Variants in RCOR1 observed in about 807,000 individuals in gnomAD.
RCOR1 encodes the protein REST corepressor 1.
Under a neutral mutation model 64.0 loss-of-function variants are expected in RCOR1, and 12 were observed. The ratio of observed to expected loss-of-function variants is 0.19; its 90% CI spans 0.12 to 0.30. The LOEUF is 0.30. Ranked by LOEUF, RCOR1 falls within the 10% of genes least tolerant of loss-of-function variation. The pLI, the probability that RCOR1 is intolerant of heterozygous loss-of-function variation, is 1.00. For missense variants in RCOR1, 502 were observed against 621.2 expected (o/e 0.81, Z 2.04); for synonymous variants, 279 against 227.2 (o/e 1.23, Z -2.05).
intron 2 of RCOR1, among the ~76,000 whole-genome samples, chr14:102,663,333 C>G (rs1894860595): frequency 6.6e-6 from 1 of 152,220 alleles, no homozygotes; most frequent in Admixed American, 6.5e-5. Context: ...ACTAATGCAA[C>G]TTCTCTCAAC....
chr14:102,617,071 A>G (rs1893775732), intron 2 of RCOR1, among the ~76,000 whole-genome samples: 1 of 152,230 alleles, frequency 6.6e-6, no homozygotes. Context: ...ACAATATGTT[A>G]TTAAGAGCAA....
intron 2 of RCOR1, among the ~76,000 whole-genome samples, chr14:102,600,814 C>T (rs141060246): frequency 0.017 from 2,547 of 151,362 alleles, 77 homozygotes; most frequent in African/African-American, 0.058. Flanking sequence ...TCGTGATCTG[C>T]CCGTCTTGGC....
chr14:102,630,798 G>A (rs758331887), intron 2 of RCOR1, among the ~76,000 whole-genome samples: 9 of 152,188 alleles, frequency 5.9e-5, no homozygotes, highest in South Asian at 2.1e-4. Flanking sequence ...AAAGTGCACC[G>A]AACCACTCAG....
chr14:102,692,550 A>G (rs955637876), intron 3 of RCOR1, among the ~76,000 whole-genome samples: 2 of 151,740 alleles, frequency 1.3e-5, no homozygotes, highest in Non-Finnish European at 2.9e-5. Flanking sequence ...TTGCTTCCGG[A>G]TCTTTTCGGT....
At chr14:102,653,920 C>CTTCCTTCTTTCTTTCTTTCTTTCT (rs1894646978) in intron 2 of RCOR1, among the ~76,000 whole-genome samples, 2 of 98,924 alleles carry the variant, frequency 2.0e-5, no homozygotes, top group South Asian at 4.0e-4. Context: ...CAGGTATTTC[C>CTTCCTTCTTTCTTTCTTTCTTTCT]TTCTTTCTTT....
chr14:102,676,048 T>C (rs71417818), intron 2 of RCOR1, among the ~76,000 whole-genome samples: 7,778 of 143,304 alleles, frequency 0.054, 232 homozygotes, highest in African/African-American at 0.089. Flanking sequence ...TTTTTTTTTT[T>C]CCCCAAGGCA....
intron 3 of RCOR1, among the ~76,000 whole-genome samples, chr14:102,700,600 C>T (rs551388160): frequency 6.6e-6 from 1 of 152,190 alleles, no homozygotes; most frequent in Admixed American, 6.5e-5. Flanking sequence ...AACTCCTGGC[C>T]TCAAGGGATC....
chr14:102,719,284 G>T (rs1896128872), intron 8 of RCOR1, among the ~76,000 whole-genome samples: 1 of 151,902 alleles, frequency 6.6e-6, no homozygotes, highest in Non-Finnish European at 1.5e-5. Flanking sequence ...TAAGTTCTAG[G>T]GTACATGTGC....
At chr14:102,721,261 C>T (rs1896163544) in intron 9 of RCOR1, 59 bp from the exon 10 acceptor site, 5 of 1,449,380 alleles carry the variant, frequency 3.4e-6, no homozygotes, top group East Asian at 2.3e-5. Context: ...TCGTTAAGCT[C>T]ATAAGGACAT....
chr14:102,696,896 A>G (rs145677461), intron 3 of RCOR1, among the ~76,000 whole-genome samples: 185 of 136,318 alleles, frequency 1.4e-3, no homozygotes, highest in African/African-American at 4.4e-3. Context: ...TGCTTCAGTT[A>G]AGGAAACCAC....
At position 102,673,661 on chromosome 14, in the gene RCOR1, G is replaced by A. The variant is rs1466749489; in HGVS notation, c.362-8234G>A. Among the ~76,000 whole-genome samples the A allele has an allele frequency of 4.0e-5, 6 of 151,182 alleles. No homozygotes were observed. The East Asian group carries it at 1.2e-3, about 29-fold the overall frequency. ...ACAGAGTTTCACTCTTTTTGCCCAG[G>A]CTAGAGTGCAATGGCACGATCTCGG... On this transcript the variant is annotated intron_variant, in intron 2 of 11. Transcript: ENST00000262241.
At chr14:102,682,193 G>C (rs748901806) in intron 3 of RCOR1, among the ~76,000 whole-genome samples, 5 of 152,110 alleles carry the variant, frequency 3.3e-5, no homozygotes, top group Non-Finnish European at 7.4e-5. Context: ...GCAGCAGCAC[G>C]ATCTGGGCTC....
Position 102,593,183 on chromosome 14 carries a change from G to A in RCOR1, c.297G>A (p.Glu99=). 6.6e-7 allele frequency: 1 copy of A among 1,507,582 alleles called. No homozygotes were observed. The highest frequency in any genetic ancestry group is 2.8e-5 in the East Asian group (1 of 35,888). The allele number at this position is 1,507,582 out of a possible 1,614,324, so 93.4% of individuals were successfully genotyped here. Residue 99 remains glutamate (E), a synonymous_variant, in exon 1 of 12, where the codon GAG becomes GAA. Coordinates refer to ENST00000262241, the MANE Select transcript of RCOR1 (RefSeq NM_015156.4). ...EGSSGSSSDE[E]HGGGGMRVGP... ...GCTCGGGCTCGTCCAGCGACGAGGA[G>A]CACGGTAGGTGGCAGCCGCCCCCGC... is the stretch of plus-strand genomic sequence containing the variant.
At chr14:102,637,329 G>T (rs1469671867) in intron 2 of RCOR1, among the ~76,000 whole-genome samples, 2 of 151,888 alleles carry the variant, frequency 1.3e-5, no homozygotes, top group African/African-American at 2.4e-5. Context: ...GTTTTACTAT[G>T]TTGGTGAGGC....
At chr14:102,655,397 T>C in intron 2 of RCOR1, 2 of 985,392 alleles carry the variant, frequency 2.0e-6, no homozygotes, top group Non-Finnish European at 2.4e-6. Context: ...TGAAGCTCAT[T>C]GACATTCCTT....
intron 3 of RCOR1, among the ~76,000 whole-genome samples, chr14:102,684,633 T>C (rs1895376680): frequency 6.6e-6 from 1 of 152,322 alleles, no homozygotes; most frequent in East Asian, 1.9e-4. Context: ...TGAAAGTTCA[T>C]AGATAAAAGT....
intron 2 of RCOR1, among the ~76,000 whole-genome samples, chr14:102,636,645 AC>A (rs1894244355): frequency 6.6e-6 from 1 of 150,772 alleles, no homozygotes; most frequent in South Asian, 2.1e-4. Context: ...TTTTACCTTC[AC>A]CCGTTTTACT....
intron 3 of RCOR1, among the ~76,000 whole-genome samples, chr14:102,700,860 C>A (rs747081249): frequency 6.6e-6 from 1 of 152,124 alleles, no homozygotes; most frequent in Non-Finnish European, 1.5e-5. Context: ...AAGACATACC[C>A]GAGACTGGGA....
intron 3 of RCOR1, among the ~76,000 whole-genome samples, chr14:102,682,364 AGGT>A (rs1423940031): frequency 4.6e-5 from 7 of 152,196 alleles, no homozygotes; most frequent in Non-Finnish European, 8.8e-5. Flanking sequence ...TCCTGACTTC[AGGT>A]GATCCGCCTG....
Sources: allele counts gnomAD v4.1 joint callset (sites outside exome capture counted in the v4.1 genomes callset), GRCh38; gene constraint gnomAD v4.1.1; transcripts MANE v1.5; gene names NCBI Gene and HGNC (gene_info 2026-07-23, HGNC 2026-07-21).